The following DPP6 variants were observed in gnomAD, a reference collection of about 807,000 sequenced individuals.
DPP6 encodes A-type potassium channel modulatory protein DPP6.
A neutral mutation model predicts 122.6 loss-of-function variants in DPP6; 69 were observed. The ratio of observed to expected loss-of-function variants is 0.56; its 90% CI spans 0.46 to 0.69. The LOEUF (loss-of-function observed/expected upper bound fraction) is 0.69. DPP6 is among the 30% of genes least tolerant of loss of function. The pLI is 0.00. For missense variants in DPP6, 928 were observed against 1,116.9 expected (o/e 0.83, Z 2.41); for synonymous variants, 418 against 433.1 (o/e 0.97, Z 0.43).
chr7:154,576,379 C>T (rs1831673589), intron 5 of DPP6, among the ~76,000 whole-genome samples: 1 of 152,146 alleles, frequency 6.6e-6, no homozygotes, highest in African/African-American at 2.4e-5. Flanking sequence ...TAACTCAGTG[C>T]TCCTGAGTCC....
chr7:153,902,324 C>T (rs1425959195), intron 1 of DPP6, among the ~76,000 whole-genome samples: 1 of 152,150 alleles, frequency 6.6e-6, no homozygotes, highest in Non-Finnish European at 1.5e-5. Context: ...GGGGAAAAGC[C>T]TCTCATATCT....
chr7:154,678,552 G>A (rs1839075118), intron 7 of DPP6, among the ~76,000 whole-genome samples: 1 of 152,022 alleles, frequency 6.6e-6, no homozygotes, highest in Non-Finnish European at 1.5e-5. Flanking sequence ...ACATCTGAAG[G>A]AAGAAATTCC....
the DPP6 span, among the ~76,000 whole-genome samples, chr7:153,793,574 A>G: frequency 1.1e-3 from 168 of 151,368 alleles, no homozygotes; most frequent in African/African-American, 3.8e-3. Context: ...GTGATAGAAA[A>G]GAAACACCTA....
rs772902852 is a variant in DPP6 at position 154,142,511 on chromosome 7, CA to C, written c.243+89452del. On this transcript the variant is annotated intron_variant, in intron 1 of 25. Coordinates refer to ENST00000377770, the MANE Select transcript of DPP6 (RefSeq NM_130797.4). ...TGGGGGCAGGGGATTCTGAAAGCTACAAAATATCAAACCATTTATTCATTGC... is the reference window on the plus strand; with the variant it reads ...TGGGGGCAGGGGATTCTGAAAGCTACAAATATCAAACCATTTATTCATTGC... Among the ~76,000 whole-genome samples the C allele has an allele frequency of 2.3e-3, 351 of 152,242 alleles. 1 individual carries two copies. The highest frequency in any genetic ancestry group is 5.4e-3 in the Admixed American group (83 of 15,298).
intron 1 of DPP6, among the ~76,000 whole-genome samples, chr7:154,308,268 T>C (rs1034121283): frequency 6.6e-6 from 1 of 151,190 alleles, no homozygotes; most frequent in African/African-American, 2.4e-5. Flanking sequence ...AAAAAAAAGA[T>C]TTTACTATTA....
rs369121970 is a variant in DPP6, at chr7:154,666,206, T to TACATACATACATACATACATAC, written c.681-3153_681-3152insCATACATACATACATACATACA. On this transcript the variant is annotated intron_variant, in intron 6 of 25. Transcript: ENST00000377770. ...GTGTATATATATATATATATACACA[T>TACATACATACATACATACATAC]ATACATACATACATACATACATACA... is the stretch of plus-strand genomic sequence containing the variant. Among the ~76,000 whole-genome samples the TACATACATACATACATACATAC allele has an allele frequency of 4.1e-5, 6 of 145,476 alleles. 1 individual carries two copies. The highest frequency in any genetic ancestry group is 1.5e-4 in the African/African-American group (6 of 39,078).
intron 1 of DPP6, among the ~76,000 whole-genome samples, chr7:154,061,616 C>A (rs1801901048): frequency 7.1e-6 from 1 of 141,300 alleles, no homozygotes; most frequent in African/African-American, 2.7e-5. Flanking sequence ...ACTCCCATCA[C>A]AGGGGGGGGA....
At chr7:154,532,730 A>G (rs895668415) in intron 3 of DPP6, among the ~76,000 whole-genome samples, 1 of 151,926 alleles carries the variant, frequency 6.6e-6, no homozygotes, top group Non-Finnish European at 1.5e-5. Context: ...AAATGCATGC[A>G]TATTTTTTAA....
chr7:154,829,935 G>T (rs1217665045), intron 16 of DPP6, among the ~76,000 whole-genome samples: 3 of 152,114 alleles, frequency 2.0e-5, no homozygotes, highest in Non-Finnish European at 2.9e-5. Context: ...GGCCCTTTCT[G>T]TTTGCTGTTC....
chr7:153,943,463 T>C (rs1177852256), intron 1 of DPP6, among the ~76,000 whole-genome samples: 1 of 152,178 alleles, frequency 6.6e-6, no homozygotes, highest in African/African-American at 2.4e-5. Flanking sequence ...AGAGCCCTCT[T>C]TTTTGTCCTT....
At chr7:154,512,041 A>G (rs1371753676) in intron 3 of DPP6, among the ~76,000 whole-genome samples, 2 of 152,202 alleles carry the variant, frequency 1.3e-5, no homozygotes, top group Non-Finnish European at 2.9e-5. Context: ...AACTAATGAT[A>G]AAGATTAAAT....
At position 154,627,000 on chromosome 7, in the gene DPP6, C is replaced by CTTTTTTTTTT. The variant is rs552919287; in HGVS notation, c.628-10799_628-10790dup. On this transcript the variant is annotated intron_variant, in intron 5 of 25. Coordinates refer to ENST00000377770, the MANE Select transcript of DPP6 (RefSeq NM_130797.4). The stretch of plus-strand genomic sequence containing the variant: ...ATCTGGGGTCCATTAGAAATTTTTT[C>CTTTTTTTTTT]TTTTTTTTTTTTTTTTTTTTTTTTT... Among the ~76,000 whole-genome samples the CTTTTTTTTTT allele has an allele frequency of 1.2e-3, 64 of 52,118 alleles. 3 individuals are homozygous for CTTTTTTTTTT. The highest frequency in any genetic ancestry group is 1.7e-3 in the Non-Finnish European group (50 of 29,804). 34.2% of individuals were successfully genotyped at this position (52,118 alleles called of 152,430 possible). A position where few individuals can be genotyped will look rare whatever the true frequency, so the allele number is the denominator to read the frequency against.
chr7:154,531,399 C>T (rs2130118638), intron 3 of DPP6, among the ~76,000 whole-genome samples: 1 of 151,992 alleles, frequency 6.6e-6, no homozygotes, highest in East Asian at 1.9e-4. Context: ...AAAAACAAAA[C>T]AAAAAACCCT....
chr7:153,976,487 G>A (rs1406659116), intron 1 of DPP6, among the ~76,000 whole-genome samples: 1 of 152,206 alleles, frequency 6.6e-6, no homozygotes, highest in Non-Finnish European at 1.5e-5. Context: ...AAGTCATCAT[G>A]AAGATATTTC....
chr7:154,646,539 G>C (rs1029057736), intron 6 of DPP6, among the ~76,000 whole-genome samples: 16 of 152,156 alleles, frequency 1.1e-4, no homozygotes, highest in African/African-American at 3.6e-4. Context: ...CCTGAATGCT[G>C]AGAGTCAATA....
chr7:154,572,278 C>A (rs930220272), intron 5 of DPP6, among the ~76,000 whole-genome samples: 31 of 152,232 alleles, frequency 2.0e-4, no homozygotes, highest in African/African-American at 7.5e-4. Context: ...CCTGATCAAA[C>A]CTGCTTGGTG....
intron 3 of DPP6, among the ~76,000 whole-genome samples, chr7:154,535,821 T>TA (rs1479961960): frequency 1.3e-5 from 2 of 152,200 alleles, no homozygotes; most frequent in Non-Finnish European, 2.9e-5. Context: ...CTCAGTGAGA[T>TA]ACCACTACAC....
At chr7:154,803,428 C>T (rs894232359) in intron 13 of DPP6, among the ~76,000 whole-genome samples, 6 of 152,196 alleles carry the variant, frequency 3.9e-5, no homozygotes, top group Non-Finnish European at 7.4e-5. Flanking sequence ...TTTCTCCCTC[C>T]GTTTATTCTT....
chr7:154,456,536 T>C (rs1007615255), intron 2 of DPP6, among the ~76,000 whole-genome samples: 1 of 149,364 alleles, frequency 6.7e-6, no homozygotes, highest in African/African-American at 2.5e-5. Context: ...GAGAAAGGCC[T>C]TGAAGGATGC....
Sources: allele counts gnomAD v4.1 joint callset (sites outside exome capture counted in the v4.1 genomes callset), GRCh38; gene constraint gnomAD v4.1.1; transcripts MANE v1.5; gene names NCBI Gene and HGNC (gene_info 2026-07-23, HGNC 2026-07-21).